Variants in LPAR1 observed in about 807,000 individuals in gnomAD.
LPAR1 encodes the protein lysophosphatidic acid receptor 1.
A neutral mutation model predicts 23.8 loss-of-function variants in LPAR1; 5 were observed. The ratio of observed to expected loss-of-function variants is 0.21; its 90% confidence interval spans 0.11 to 0.44. LPAR1 has a LOEUF of 0.44. Ranked by LOEUF, LPAR1 falls within the 20% of genes least tolerant of loss-of-function variation. The pLI is 0.99. For synonymous variants in LPAR1, 160 were observed against 164.7 expected (o/e 0.97, Z 0.22); for missense variants, 311 against 482.8 (o/e 0.64, Z 3.33).
chr9:110,918,662 C>T (rs1775467315), intron 5 of LPAR1, among the ~76,000 whole-genome samples: 1 of 152,062 alleles, frequency 6.6e-6, no homozygotes, highest in African/African-American at 2.4e-5. Flanking sequence ...AGTGAAGGAA[C>T]AGGTAAAGAG....
At chr9:110,919,602 G>GA (rs1210058004) in intron 5 of LPAR1, among the ~76,000 whole-genome samples, 1 of 152,094 alleles carries the variant, frequency 6.6e-6, no homozygotes, top group Non-Finnish European at 1.5e-5. Flanking sequence ...CCACTAAACA[G>GA]AAAAAAATGT....
intron 2 of LPAR1, among the ~76,000 whole-genome samples, chr9:111,011,482 C>T (rs186105294): frequency 1.3e-3 from 191 of 152,280 alleles, no homozygotes; most frequent in African/African-American, 4.1e-3. Context: ...AAAAACCCAT[C>T]CCTGGGACCC....
At chr9:110,934,137 G>A (rs1200121700) in intron 5 of LPAR1, among the ~76,000 whole-genome samples, 1 of 152,178 alleles carries the variant, frequency 6.6e-6, no homozygotes, top group African/African-American at 2.4e-5. Flanking sequence ...ATGCCACTGG[G>A]ACCTGAGGAG....
chr9:111,010,248 T>C (rs989073624), intron 2 of LPAR1, among the ~76,000 whole-genome samples: 1 of 152,046 alleles, frequency 6.6e-6, no homozygotes, highest in Non-Finnish European at 1.5e-5. Context: ...TCAGCTCTCA[T>C]AAAGGTCTTG....
chr9:111,027,746 G>A (rs981379303), intron 2 of LPAR1, among the ~76,000 whole-genome samples: 2 of 151,770 alleles, frequency 1.3e-5, no homozygotes, highest in African/African-American at 4.8e-5. Flanking sequence ...ACCTAGGAAA[G>A]AACATCCTAG....
At chr9:111,009,094 A>C (rs1032390047) in intron 2 of LPAR1, among the ~76,000 whole-genome samples, 1 of 152,242 alleles carries the variant, frequency 6.6e-6, no homozygotes, top group African/African-American at 2.4e-5. Context: ...ATGTTTAATA[A>C]GTTTAAAAGT....
intron 5 of LPAR1, among the ~76,000 whole-genome samples, chr9:110,921,184 C>A (rs1345700019): frequency 6.6e-6 from 1 of 152,002 alleles, no homozygotes; most frequent in African/African-American, 2.4e-5. Context: ...TGAGGTAGGA[C>A]GATGGCTTGA....
intron 5 of LPAR1, among the ~76,000 whole-genome samples, chr9:110,933,842 G>A (rs1456481456): frequency 6.6e-6 from 1 of 152,178 alleles, no homozygotes; most frequent in East Asian, 1.9e-4. Flanking sequence ...AACTCTGTTA[G>A]GTTCATGTGG....
chr9:110,943,032 CT>C (rs2095218241), intron 4 of LPAR1, among the ~76,000 whole-genome samples: 1 of 148,538 alleles, frequency 6.7e-6, no homozygotes, highest in African/African-American at 2.5e-5. Flanking sequence ...ATAATAATCA[CT>C]TTAAAAAGGA....
intron 2 of LPAR1, among the ~76,000 whole-genome samples, chr9:111,001,263 A>C (rs2097123759): frequency 6.6e-6 from 1 of 152,222 alleles, no homozygotes; most frequent in South Asian, 2.1e-4. Context: ...TTCAAAGTCC[A>C]AGGAAGTCTA....
At chr9:110,922,824 A>ATATTAT (rs61229734) in intron 5 of LPAR1, among the ~76,000 whole-genome samples, 27,805 of 141,986 alleles carry the variant, frequency 0.2, 3,055 homozygotes, top group East Asian at 0.54. Context: ...TCTTATTATT[A>ATATTAT]TATTATTATT....
chr9:111,037,779 C>T (rs2097920578), intron 1 of LPAR1: 1 of 152,264 alleles, frequency 6.6e-6, no homozygotes, highest in Non-Finnish European at 1.5e-5. Context: ...CGCGCACCCA[C>T]CCCGACCCAG....
chr9:110,956,637 AAGATCATC>A lies in LPAR1; in HGVS notation c.46-14477_46-14470del, dbSNP rs531064200. On this transcript the variant is annotated intron_variant, in intron 4 of 5. Transcript: ENST00000683809. ...TATAACTGATACCATAGAAATACAA[AAGATCATC>A]AGACTATTATAAACAACTATACGCT... is the stretch of plus-strand genomic sequence containing the variant. Among the ~76,000 whole-genome samples, 313 of 152,246 alleles carry A rather than the reference AAGATCATC, an allele frequency of 2.1e-3. 1 individual carries two copies. Among genetic ancestry groups the A allele is most frequent in the African/African-American group, 7.2e-3 (298 of 41,548 alleles).
chr9:110,942,104 C>T lies in LPAR1; in HGVS notation c.110G>A (p.Ser37Asn). The T allele has an allele frequency of 6.2e-7, 1 of 1,614,086 alleles. No homozygotes were observed. Among genetic ancestry groups the T allele is most frequent in the Non-Finnish European group, 8.5e-7 (1 of 1,179,992 alleles). The change falls in exon 5 of 6, where the codon AGT becomes AAT. Residue 37 changes from serine to asparagine, a missense_variant. Physicochemically the swap from Ser to Asn is conservative, Grantham distance 46. Transcript: ENST00000683809. The part of the protein sequence containing the change: ...NESIAFFYNR[S>N]GKHLATEWNT... ...CCATTCTGTGGCAAGATGCTTTCCA[C>T]TTCGGTTATAAAAGAAGGCAATGGA...
chr9:110,875,559 G>A lies in LPAR1; in HGVS notation c.957C>T (p.Ser319=), dbSNP rs61753623. 181 of 1,614,120 alleles carry A rather than the reference G, an allele frequency of 1.1e-4. No individual in the cohort carries two copies. The highest frequency in any genetic ancestry group is 3.3e-4 in the Middle Eastern group (2 of 6,060). The change falls in exon 6 of 6, where the codon AGC becomes AGT. Residue 319 remains serine, a synonymous_variant. Transcript: ENST00000683809. Reference sequence around the variant, plus strand: ...AGCAGAGGATCTGCCTAAAGGTGGCGCTCATTTCTTTGTCGCGGTAGGAGT... The same window carrying A: ...AGCAGAGGATCTGCCTAAAGGTGGCACTCATTTCTTTGTCGCGGTAGGAGT... ...IIYSYRDKEM[S]ATFRQILCCQ...
intron 4 of LPAR1, among the ~76,000 whole-genome samples, chr9:110,970,710 C>T (rs2096390377): frequency 6.6e-6 from 1 of 152,068 alleles, no homozygotes; most frequent in Admixed American, 6.5e-5. Flanking sequence ...ACACACAAAC[C>T]CCTACTTAAA....
chr9:110,920,748 A>C (rs559280444), intron 5 of LPAR1, among the ~76,000 whole-genome samples: 1 of 152,302 alleles, frequency 6.6e-6, no homozygotes, highest in East Asian at 1.9e-4. Flanking sequence ...AAAATGGGTA[A>C]AACACTATCT....
At chr9:110,994,434 T>G (rs190351006) in intron 2 of LPAR1, among the ~76,000 whole-genome samples, 1 of 152,314 alleles carries the variant, frequency 6.6e-6, no homozygotes, top group Non-Finnish European at 1.5e-5. Context: ...GATAATTAGA[T>G]GATAGTAAGA....
At chr9:110,991,592 T>C (rs967583682) in intron 2 of LPAR1, among the ~76,000 whole-genome samples, 1 of 148,160 alleles carries the variant, frequency 6.7e-6, no homozygotes, top group African/African-American at 2.6e-5. Context: ...GTTGTTGTTG[T>C]TGTTGTTGTT....
Sources: allele counts gnomAD v4.1 joint callset (sites outside exome capture counted in the v4.1 genomes callset), GRCh38; gene constraint gnomAD v4.1.1; transcripts MANE v1.5; gene names NCBI Gene and HGNC (gene_info 2026-07-23, HGNC 2026-07-21).